Variants in PLAC1 observed in about 807,000 individuals in gnomAD.
PLAC1 encodes placenta associated 1, also known as placenta-specific protein 1.
For missense variants in PLAC1, 136 were observed against 163.2 expected (o/e 0.83, Z 0.91); for synonymous variants, 68 against 62.1 (o/e 1.09, Z -0.44).
At chrX:134,648,769 G>GGGC (rs1395143009) in intron 1 of PLAC1, among the ~76,000 whole-genome samples, 2 of 111,582 alleles carry the variant, frequency 1.8e-5, no homozygotes, top group African/African-American at 3.3e-5. Context: ...AATACAAGTG[G>GGGC]GGCTGCTCTG....
chrX:134,644,329 C>CT (rs1262990829), intron 1 of PLAC1, among the ~76,000 whole-genome samples: 2 of 111,723 alleles, frequency 1.8e-5, no homozygotes, highest in Non-Finnish European at 3.8e-5. Context: ...CCAGTATCAA[C>CT]TTTTTTTCTA....
chrX:134,709,696 C>T (rs1002293712), intron 2 of PLAC1, among the ~76,000 whole-genome samples: 2 of 111,503 alleles, frequency 1.8e-5, no homozygotes, highest in African/African-American at 3.3e-5. Context: ...TCAGGTAAGT[C>T]TATGAGAACT....
At position 134,646,977 on chromosome X, in the gene PLAC1, G is replaced by A. The variant is rs527237596; in HGVS notation, c.-131+11351C>T. Among the ~76,000 whole-genome samples, 3 of 112,074 alleles carry A rather than the reference G, an allele frequency of 2.7e-5. No individual in the cohort carries two copies. In the East Asian group the frequency reaches 8.4e-4, roughly 31 times the overall value. ...GTTTGGCTTTGGGTCTGTTTTGTGT[G>A]TTGGGCATGCATACGTACCTCCTTA... On this transcript the variant is annotated intron_variant, in intron 1 of 2. Coordinates refer to ENST00000359237, the MANE Select transcript of PLAC1 (RefSeq NM_021796.4).
intron 2 of PLAC1, among the ~76,000 whole-genome samples, chrX:134,691,369 A>G (rs1048272012): frequency 1.8e-5 from 2 of 110,970 alleles, no homozygotes; most frequent in African/African-American, 6.6e-5. Flanking sequence ...GGAACAAATG[A>G]GGAGCAATGA....
rs1207166785 is a variant in PLAC1, at chrX:134,600,651, AT to A, written c.-59+1399del. Reference sequence around the variant, plus strand: ...GGGCAACAGAGTGAGACCCGATCTCATTTTTTTTTTTTTTAAGGATGAAGAT... The same window carrying A: ...GGGCAACAGAGTGAGACCCGATCTCATTTTTTTTTTTTTAAGGATGAAGAT... On this transcript the variant is annotated intron_variant, in intron 2 of 2. Coordinates refer to ENST00000359237, the MANE Select transcript of PLAC1 (RefSeq NM_021796.4). Among the ~76,000 whole-genome samples the A allele has an allele frequency of 9.1e-3, 917 of 100,827 alleles. 6 individuals are homozygous for A. Among genetic ancestry groups the A allele is most frequent in the African/African-American group, 0.024 (664 of 27,990 alleles). 87.6% of individuals were successfully genotyped at this position (100,827 alleles called of 115,157 possible). A position where few individuals can be genotyped will look rare whatever the true frequency, so the allele number is the denominator to read the frequency against.
intron 2 of PLAC1, among the ~76,000 whole-genome samples, chrX:134,729,443 T>C (rs2078682481): frequency 1.8e-5 from 2 of 112,136 alleles, no homozygotes; most frequent in Middle Eastern, 4.6e-3. Flanking sequence ...TTATGAAAAG[T>C]GCCACAGCTA....
At chrX:134,676,304 G>A (rs925883846) in intron 2 of PLAC1, among the ~76,000 whole-genome samples, 26 of 111,205 alleles carry the variant, frequency 2.3e-4, no homozygotes, top group African/African-American at 7.9e-4. Context: ...GCTGCCTGCC[G>A]AGGCCTGGTG....
intron 2 of PLAC1, among the ~76,000 whole-genome samples, chrX:134,582,709 G>A (rs1423425036): frequency 9.0e-6 from 1 of 111,427 alleles, no homozygotes; most frequent in East Asian, 2.8e-4. Flanking sequence ...GAAGTGATTT[G>A]GGTGAGGAGA....
At chrX:134,734,414 T>C (rs946289259) in intron 1 of PLAC1, among the ~76,000 whole-genome samples, 1 of 112,537 alleles carries the variant, frequency 8.9e-6, no homozygotes, top group South Asian at 3.6e-4. Context: ...TCTCTGCTCT[T>C]GGGACCTGCA....
intron 2 of PLAC1, among the ~76,000 whole-genome samples, chrX:134,706,182 C>T (rs752155282): frequency 6.2e-5 from 7 of 112,664 alleles, no homozygotes; most frequent in East Asian, 2.8e-4. Context: ...TCTCTACTCC[C>T]GGCAAATATC....
chrX:134,654,303 C>T (rs192288121), intron 1 of PLAC1, among the ~76,000 whole-genome samples: 192 of 112,124 alleles, frequency 1.7e-3, no homozygotes, highest in African/African-American at 4.3e-3. Context: ...TCTCCAACTG[C>T]GTATGGCAGC....
intron 2 of PLAC1, among the ~76,000 whole-genome samples, chrX:134,670,071 T>C (rs1462082121): frequency 1.0e-5 from 1 of 99,419 alleles, no homozygotes; most frequent in Admixed American, 1.1e-4. Context: ...GGAAAACATG[T>C]GTGCAAGCAA....
At chrX:134,675,522 G>A (rs898072300) in intron 2 of PLAC1, among the ~76,000 whole-genome samples, 1 of 111,818 alleles carries the variant, frequency 8.9e-6, no homozygotes, top group Admixed American at 9.4e-5. Flanking sequence ...AAAATTAGCC[G>A]GGCCTGGTGG....
chrX:134,581,630 C>T (rs1332713450), intron 2 of PLAC1, among the ~76,000 whole-genome samples: 1 of 109,146 alleles, frequency 9.2e-6, no homozygotes, highest in African/African-American at 3.3e-5. Context: ...AGGCACCCGC[C>T]ACCATGCCTG....
At chrX:134,585,528 C>A (rs770185054) in intron 2 of PLAC1, among the ~76,000 whole-genome samples, 55 of 110,426 alleles carry the variant, frequency 5.0e-4, no homozygotes, top group Non-Finnish European at 9.3e-4. Flanking sequence ...CTGTGAGTTG[C>A]TCTTTATTGT....
intron 2 of PLAC1, among the ~76,000 whole-genome samples, chrX:134,597,563 T>G (rs2078067926): frequency 8.9e-6 from 1 of 112,257 alleles, no homozygotes; most frequent in African/African-American, 3.2e-5. Flanking sequence ...ACTGTTCATT[T>G]TGGATATTAT....
intron 1 of PLAC1, among the ~76,000 whole-genome samples, chrX:134,752,525 C>T (rs1193998865): frequency 6.3e-5 from 7 of 111,588 alleles, no homozygotes; most frequent in East Asian, 2.8e-4. Flanking sequence ...ACTTTTTTTT[C>T]TCCCCTTGGC....
chrX:134,603,796 G>A (rs2078109885), intron 1 of PLAC1, among the ~76,000 whole-genome samples: 1 of 111,427 alleles, frequency 9.0e-6, no homozygotes, highest in South Asian at 3.8e-4. Context: ...TTCTACATCT[G>A]TATGATAAAG....
intron 1 of PLAC1, among the ~76,000 whole-genome samples, chrX:134,627,829 G>A (rs1396989724): frequency 8.9e-6 from 1 of 111,831 alleles, no homozygotes; most frequent in Non-Finnish European, 1.9e-5. Context: ...CAGAGGGAGA[G>A]TCTCAAGCAA....
Sources: gnomAD v4.1 joint callset for allele counts (sites outside exome capture counted in the v4.1 genomes callset) on GRCh38, gnomAD v4.1.1 for gene constraint, MANE v1.5 for transcripts, NCBI Gene and HGNC (gene_info 2026-07-23, HGNC 2026-07-21) for gene names.